Variants in SCMH1 observed in about 807,000 individuals in gnomAD.
SCMH1 encodes the protein polycomb protein SCMH1.
A neutral mutation model predicts 70.8 loss-of-function variants in SCMH1; 37 were observed. That is an observed-to-expected ratio of 0.52 (90% confidence interval 0.40 to 0.69). The LOEUF is 0.69. Among genes scored for constraint, SCMH1 ranks in the 30% least tolerant of loss-of-function variants. The pLI, the probability that SCMH1 is intolerant of heterozygous loss-of-function variation, is 0.00. For synonymous variants in SCMH1, 292 were observed against 307.4 expected (o/e 0.95, Z 0.52); for missense variants, 607 against 827.3 (o/e 0.73, Z 3.27).
chr1:41,180,918 A>G (rs889250240), intron 2 of SCMH1, among the ~76,000 whole-genome samples: 11 of 152,266 alleles, frequency 7.2e-5, no homozygotes, highest in South Asian at 4.1e-4. Flanking sequence ...GAACAAAGCT[A>G]GAGGCATCAC....
rs755159384 is a variant in SCMH1, at chr1:41,143,002, G to A, written c.288C>T (p.Ala96=). ...TCCCATCAAGGCGCAGGCGAAGGCG[G>A]GCACCTGTCAGTCCAACTACTGTGG... The change falls in exon 6 of 15, where the codon GCC becomes GCT. Residue 96 remains alanine (A), a synonymous_variant. Coordinates refer to ENST00000337495, the Ensembl canonical transcript of SCMH1. The A allele has an allele frequency of 8.7e-6, 14 of 1,614,160 alleles. No homozygotes were observed. In the South Asian group the frequency reaches 1.5e-4, roughly 18 times the overall value.
rs549334559 is a variant in SCMH1, at chr1:41,042,033, C to G, written c.1498+4374G>C. Reference sequence around the variant, plus strand: ...TTACTTAGTCTTCACAAGCCACTTACTTGATCTAGCCACATGTATAGTTCT... The same window carrying G: ...TTACTTAGTCTTCACAAGCCACTTAGTTGATCTAGCCACATGTATAGTTCT... On this transcript the variant is annotated intron_variant, in intron 12 of 14. Transcript: ENST00000337495. Among the ~76,000 whole-genome samples, 13 of 152,242 alleles carry G rather than the reference C, an allele frequency of 8.5e-5. No individual in the cohort carries two copies. In the South Asian group the frequency reaches 2.7e-3, roughly 32 times the overall value.
intron 6 of SCMH1, among the ~76,000 whole-genome samples, chr1:41,127,183 A>T (rs1673404953): frequency 6.6e-6 from 1 of 151,798 alleles, no homozygotes; most frequent in Non-Finnish European, 1.5e-5. Flanking sequence ...CCTTAAGATC[A>T]TTTTTCTATA....
At chr1:41,236,263 TAC>T (rs1475052445) in intron 1 of SCMH1, among the ~76,000 whole-genome samples, 3 of 152,142 alleles carry the variant, frequency 2.0e-5, no homozygotes, top group African/African-American at 7.2e-5. Context: ...AATAAAAAAA[TAC>T]AGTTATCTTC....
chr1:41,146,917 G>C (rs906987921), intron 5 of SCMH1, among the ~76,000 whole-genome samples: 5 of 151,812 alleles, frequency 3.3e-5, no homozygotes, highest in African/African-American at 9.7e-5. Flanking sequence ...TCAAAATTTT[G>C]GTCAGGCATC....
At chr1:41,191,341 G>A (rs1459339851) in intron 1 of SCMH1, among the ~76,000 whole-genome samples, 1 of 152,212 alleles carries the variant, frequency 6.6e-6, no homozygotes, top group Non-Finnish European at 1.5e-5. Context: ...GACAAGTTAA[G>A]TGTAAATGAA....
intron 8 of SCMH1, among the ~76,000 whole-genome samples, chr1:41,106,355 C>A (rs894413074): frequency 3.3e-5 from 5 of 151,434 alleles, no homozygotes; most frequent in Non-Finnish European, 7.4e-5. Context: ...AGTGTGACAC[C>A]CCCCTCCCCA....
intron 6 of SCMH1, among the ~76,000 whole-genome samples, chr1:41,120,623 ACT>A (rs1671692804): frequency 6.6e-6 from 1 of 152,064 alleles, no homozygotes; most frequent in Non-Finnish European, 1.5e-5. Context: ...GTGATGTGGG[ACT>A]CTATCCCTTC....
At chr1:41,048,644 G>T (rs1479309209) in intron 11 of SCMH1, 46 bp downstream of exon 11, 2 of 1,551,682 alleles carry the variant, frequency 1.3e-6, no homozygotes, top group East Asian at 2.2e-5. Context: ...AGTTGAGAAG[G>T]TGGGTCCTTC....
intron 1 of SCMH1, among the ~76,000 whole-genome samples, chr1:41,234,453 CTTTTTTTTTTTTTTTTTTTT>C (rs66686109): frequency 2.0e-5 from 1 of 49,420 alleles, no homozygotes; most frequent in South Asian, 1.3e-3. Context: ...AACTCTGCCT[CTTTTTTTTTTTTTTTTTTTT>C]TTTTTTTTTT....
chr1:41,032,207 A>G (rs72942632), intron 13 of SCMH1, among the ~76,000 whole-genome samples: 7,902 of 152,260 alleles, frequency 0.052, 691 homozygotes, highest in African/African-American at 0.18. Flanking sequence ...GAGCAGCCCA[A>G]ATGGACTAAG....
At chr1:41,167,223 G>T (rs1037796678) in intron 2 of SCMH1, among the ~76,000 whole-genome samples, 2 of 152,032 alleles carry the variant, frequency 1.3e-5, no homozygotes, top group African/African-American at 4.8e-5. Flanking sequence ...ACGGAATATG[G>T]TTTCTTAGTA....
At chr1:41,221,140 T>C (rs74070721) in intron 1 of SCMH1, among the ~76,000 whole-genome samples, 1,957 of 152,170 alleles carry the variant, frequency 0.013, 40 homozygotes, top group African/African-American at 0.045. Context: ...ATTTCAAGAG[T>C]GCATGCAGTC....
At chr1:41,058,378 G>GTTGTTTTTTTT (rs1651268517) in intron 10 of SCMH1, among the ~76,000 whole-genome samples, 2 of 81,640 alleles carry the variant, frequency 2.4e-5, no homozygotes, top group Non-Finnish European at 4.2e-5. Context: ...TTTCTTTCTT[G>GTTGTTTTTTTT]TTTTTTTTTT....
At chr1:41,111,069 T>C (rs1245506048) in intron 8 of SCMH1, among the ~76,000 whole-genome samples, 1 of 152,224 alleles carries the variant, frequency 6.6e-6, no homozygotes, top group African/African-American at 2.4e-5. Context: ...TTATTGGCTA[T>C]CTGTGTATGT....
chr1:41,212,645 C>T (rs1185426658), intron 1 of SCMH1, among the ~76,000 whole-genome samples: 2 of 152,068 alleles, frequency 1.3e-5, no homozygotes, highest in African/African-American at 4.8e-5. Context: ...GTCCAGTTTT[C>T]CTGAAAAACA....
chr1:41,178,762 T>C (rs1267545384), intron 2 of SCMH1, among the ~76,000 whole-genome samples: 1 of 152,156 alleles, frequency 6.6e-6, no homozygotes, highest in East Asian at 1.9e-4. Context: ...ACAAAGAGAC[T>C]TAGACTCCCA....
intron 12 of SCMH1, among the ~76,000 whole-genome samples, chr1:41,038,945 T>C (rs1645702269): frequency 6.6e-6 from 1 of 152,170 alleles, no homozygotes; most frequent in Non-Finnish European, 1.5e-5. Context: ...ATGTGTAAAA[T>C]GGGGAAAAAT....
intron 10 of SCMH1, among the ~76,000 whole-genome samples, chr1:41,063,142 A>G (rs1653343199): frequency 1.3e-5 from 2 of 152,200 alleles, no homozygotes; most frequent in South Asian, 2.1e-4. Context: ...CGTAAAGATT[A>G]TAGAGCAGAA....
Sources: allele counts gnomAD v4.1 joint callset (sites outside exome capture counted in the v4.1 genomes callset), GRCh38; gene constraint gnomAD v4.1.1; transcripts MANE v1.5; gene names NCBI Gene and HGNC (gene_info 2026-07-23, HGNC 2026-07-21).